The following PDZRN4 variants were observed in gnomAD, a reference collection of about 807,000 sequenced individuals.
PDZRN4 encodes PDZ domain-containing RING finger protein 4.
In PDZRN4, 70 loss-of-function variants were observed where a neutral mutation model predicts 99.0. The ratio of observed to expected loss-of-function variants is 0.71; its 90% CI spans 0.58 to 0.86. The LOEUF is 0.86. Ranked by LOEUF, PDZRN4 falls within the 40% of genes least tolerant of loss-of-function variation. PDZRN4 has a pLI of 0.00. For synonymous variants in PDZRN4, 551 were observed against 501.6 expected, an observed-to-expected ratio of 1.10 and a Z score of -1.32; for missense variants, 1,474 against 1,331.2, an observed-to-expected ratio of 1.11 and a Z score of -1.67.
intron 3 of PDZRN4, among the ~76,000 whole-genome samples, chr12:41,451,036 GA>G (rs1245998239): frequency 6.6e-6 from 1 of 151,492 alleles, no homozygotes; most frequent in Non-Finnish European, 1.5e-5. Context: ...CACATCCAAG[GA>G]GATAGTATTG....
At chr12:41,235,772 G>A (rs989083892) in intron 3 of PDZRN4, among the ~76,000 whole-genome samples, 3 of 152,160 alleles carry the variant, frequency 2.0e-5, no homozygotes, top group African/African-American at 7.2e-5. Flanking sequence ...TACAACCTTT[G>A]ATGAAATGCA....
chr12:41,566,048 G>C (rs73282241), intron 8 of PDZRN4, among the ~76,000 whole-genome samples: 8,072 of 152,248 alleles, frequency 0.053, 749 homozygotes, highest in African/African-American at 0.18. Context: ...TGAGCAAGAA[G>C]AATCTCCCTT....
At chr12:41,401,579 T>C (rs1952288850) in intron 3 of PDZRN4, among the ~76,000 whole-genome samples, 1 of 152,130 alleles carries the variant, frequency 6.6e-6, no homozygotes, top group Admixed American at 6.6e-5. Flanking sequence ...GTTACCTTCA[T>C]AGGGCTTCTT....
chr12:41,457,326 G>C (rs1310643608), intron 3 of PDZRN4, among the ~76,000 whole-genome samples: 3 of 152,138 alleles, frequency 2.0e-5, no homozygotes, highest in African/African-American at 7.2e-5. Flanking sequence ...AGTATTAGCT[G>C]CATTTTTCTG....
chr12:41,316,470 G>A (rs1193686557), intron 3 of PDZRN4, among the ~76,000 whole-genome samples: 1 of 151,502 alleles, frequency 6.6e-6, no homozygotes, highest in Non-Finnish European at 1.5e-5. Flanking sequence ...GTGTGTGTGT[G>A]TGTGTGTGTG....
intron 3 of PDZRN4, among the ~76,000 whole-genome samples, chr12:41,194,576 G>A (rs79754729): frequency 1.3e-5 from 2 of 152,206 alleles, no homozygotes; most frequent in Non-Finnish European, 2.9e-5. Flanking sequence ...AAACCCAGGA[G>A]GTCAAGGCTG....
intron 3 of PDZRN4, among the ~76,000 whole-genome samples, chr12:41,347,177 G>T (rs12146885): frequency 0.47 from 72,064 of 151,798 alleles, 17,869 homozygotes; most frequent in Middle Eastern, 0.65. Flanking sequence ...GAGAGGAATT[G>T]CTGGGTCCTG....
intron 3 of PDZRN4, among the ~76,000 whole-genome samples, chr12:41,262,861 A>G (rs1951250548): frequency 6.6e-6 from 1 of 152,186 alleles, no homozygotes; most frequent in African/African-American, 2.4e-5. Flanking sequence ...GCGTTTCTAG[A>G]ATTCAATTGA....
chr12:41,322,550 G>T (rs1951686872), intron 3 of PDZRN4, among the ~76,000 whole-genome samples: 2 of 125,702 alleles, frequency 1.6e-5, no homozygotes, highest in Non-Finnish European at 3.2e-5. Context: ...GAGTTCAGTG[G>T]CAGGATCTCT....
intron 3 of PDZRN4, among the ~76,000 whole-genome samples, chr12:41,206,161 C>T (rs527972729): frequency 6.4e-4 from 97 of 152,032 alleles, no homozygotes; most frequent in African/African-American, 2.2e-3. Context: ...GTTTTGTGGA[C>T]GTATGCATGT....
intron 3 of PDZRN4, among the ~76,000 whole-genome samples, chr12:41,492,770 T>G (rs1937914244): frequency 6.6e-6 from 1 of 152,116 alleles, no homozygotes; most frequent in South Asian, 2.1e-4. Context: ...AATGTCCAAG[T>G]CACTCAGGGA....
In PDZRN4 at chr12:41,371,745, G is replaced by A. The variant is rs947316394; in HGVS notation, c.844-134711G>A. Among the ~76,000 whole-genome samples the A allele has an allele frequency of 5.9e-5, 9 of 152,034 alleles. 1 individual carries two copies. The highest frequency in any genetic ancestry group is 3.9e-4 in the Admixed American group (6 of 15,242). On this transcript the variant is annotated intron_variant, in intron 3 of 9. Coordinates refer to ENST00000402685, the MANE Select transcript of PDZRN4 (RefSeq NM_001164595.2). ...TACTTAAAAAAGTGTTTGCTTATAC[G>A]CTATCCAGCATTTTAATGTATGTGT...
intron 3 of PDZRN4, among the ~76,000 whole-genome samples, chr12:41,423,351 T>C (rs1432952128): frequency 6.6e-6 from 1 of 152,062 alleles, no homozygotes; most frequent in Non-Finnish European, 1.5e-5. Context: ...TGTGTCCATG[T>C]ATTCTCATTG....
At chr12:41,265,465 A>G (rs554040388) in intron 3 of PDZRN4, among the ~76,000 whole-genome samples, 2 of 152,344 alleles carry the variant, frequency 1.3e-5, no homozygotes, top group African/African-American at 4.8e-5. Flanking sequence ...GTGACACCAG[A>G]AACACAGCAA....
intron 9 of PDZRN4, among the ~76,000 whole-genome samples, chr12:41,571,713 T>G (rs1001310647): frequency 6.6e-6 from 1 of 152,192 alleles, no homozygotes; most frequent in African/African-American, 2.4e-5. Context: ...ATTCTGGCAC[T>G]GGAAGATGAA....
chr12:41,215,971 G>A (rs988038340), intron 3 of PDZRN4, among the ~76,000 whole-genome samples: 1 of 151,792 alleles, frequency 6.6e-6, no homozygotes, highest in Non-Finnish European at 1.5e-5. Context: ...TTCTACAAAT[G>A]TAATGTACTA....
At chr12:41,306,205 G>A (rs1359818931) in intron 3 of PDZRN4, among the ~76,000 whole-genome samples, 2 of 152,142 alleles carry the variant, frequency 1.3e-5, no homozygotes. Flanking sequence ...CCCCTCAAGC[G>A]GTGGCTCTCT....
At chr12:41,376,316 T>C (rs10880068) in intron 3 of PDZRN4, among the ~76,000 whole-genome samples, 2,211 of 152,296 alleles carry the variant, frequency 0.015, 51 homozygotes, top group East Asian at 0.091. Flanking sequence ...TTTTCCATAA[T>C]GGTTGTACCA....
At chr12:41,515,575 G>A (rs1565603679) in intron 5 of PDZRN4, among the ~76,000 whole-genome samples, 1 of 152,026 alleles carries the variant, frequency 6.6e-6, no homozygotes, top group Non-Finnish European at 1.5e-5. Context: ...TTGGTTCACT[G>A]AGGAGCCTAT....
Sources: allele counts gnomAD v4.1 joint callset (sites outside exome capture counted in the v4.1 genomes callset), GRCh38; gene constraint gnomAD v4.1.1; transcripts MANE v1.5; gene names NCBI Gene and HGNC (gene_info 2026-07-23, HGNC 2026-07-21).